Variants in HERC3 observed in about 807,000 individuals in gnomAD.
HERC3 encodes the protein probable E3 ubiquitin-protein ligase HERC3.
A neutral mutation model predicts 129.9 loss-of-function variants in HERC3; 58 were observed. The observed-to-expected ratio is 0.45, with a 90% CI of 0.36 to 0.56. The LOEUF (loss-of-function observed/expected upper bound fraction) is 0.56. HERC3 is among the 20% of genes least tolerant of loss of function. The pLI is 0.00. For synonymous variants in HERC3, 430 were observed against 451.0 expected, an observed-to-expected ratio of 0.95 and a Z score of 0.59; for missense variants, 835 against 1,244.2, an observed-to-expected ratio of 0.67 and a Z score of 4.95.
the HERC3 span, among the ~76,000 whole-genome samples, chr4:88,554,943 C>G: frequency 6.6e-6 from 1 of 152,078 alleles, no homozygotes; most frequent in African/African-American, 2.4e-5. Flanking sequence ...AGGATTACAT[C>G]TAGAAGTAAA....
intron 2 of HERC3, among the ~76,000 whole-genome samples, chr4:88,597,416 A>G (rs1448396798): frequency 6.6e-6 from 1 of 152,214 alleles, no homozygotes; most frequent in Admixed American, 6.5e-5. Context: ...CAGGAGCACC[A>G]TAGATGCTTA....
intron 21 of HERC3, among the ~76,000 whole-genome samples, chr4:88,682,370 G>C (rs1157413621): frequency 6.6e-6 from 1 of 151,526 alleles, no homozygotes; most frequent in African/African-American, 2.4e-5. Context: ...TGTGCACAAC[G>C]TGCAGGTTAG....
Position 88,681,222 on chromosome 4 carries a change from TC to T in HERC3, c.2406del (p.Thr803LeufsTer18), listed in dbSNP as rs1474081603. 6.2e-7 allele frequency: 1 copy of T among 1,613,950 alleles called. No homozygotes were observed. Among genetic ancestry groups the T allele is most frequent in the African/African-American group, 1.3e-5 (1 of 74,920 alleles). On this transcript the variant is annotated frameshift_variant, in exon 21 of 26. Coordinates refer to ENST00000402738, the MANE Select transcript of HERC3 (RefSeq NM_014606.3). LOFTEE classifies it high-confidence loss of function. ...AACCTGTGGACTAGCTATCTACAAC[TC>T]CACTGTGGTCGATCTCCACTTCCCA... ...GITCGLAIYN[S>X]TVVDLHFPLA...
chr4:88,704,866 T>TCTTTC (rs200321481), intron 25 of HERC3, among the ~76,000 whole-genome samples: 82 of 146,618 alleles, frequency 5.6e-4, no homozygotes, highest in African/African-American at 1.9e-3. Flanking sequence ...TTTCTTTCTT[T>TCTTTC]TTTTTTTTTT....
the HERC3 span, among the ~76,000 whole-genome samples, chr4:88,570,574 C>T: frequency 2.6e-5 from 4 of 152,118 alleles, no homozygotes; most frequent in Non-Finnish European, 5.9e-5. Flanking sequence ...TATCTCTTGT[C>T]TCCCAGGAAG....
chr4:88,663,229 C>G (rs1730686569), intron 11 of HERC3, among the ~76,000 whole-genome samples: 1 of 152,040 alleles, frequency 6.6e-6, no homozygotes, highest in Non-Finnish European at 1.5e-5. Context: ...TGTAGTGGGC[C>G]AAATGACCAG....
intron 23 of HERC3, chr4:88,697,929 G>T: frequency 1.2e-6 from 1 of 814,498 alleles, no homozygotes; most frequent in Non-Finnish European, 1.9e-6. Context: ...CCCACTATCA[G>T]CTGACGGCCG....
At chr4:88,686,558 C>T (rs903551708) in intron 21 of HERC3, among the ~76,000 whole-genome samples, 178 bp from the exon 22 acceptor site, 2 of 152,254 alleles carry the variant, frequency 1.3e-5, no homozygotes, top group African/African-American at 4.8e-5. Context: ...AGGTCTAGTG[C>T]CATAATTCTC....
At chr4:88,558,336 T>C in the HERC3 span, among the ~76,000 whole-genome samples, 31 of 152,206 alleles carry the variant, frequency 2.0e-4, no homozygotes, top group Non-Finnish European at 3.4e-4. Context: ...CAGAATGAAA[T>C]AATGTCTTTT....
chr4:88,551,533 A>G, the HERC3 span, among the ~76,000 whole-genome samples: 1 of 151,180 alleles, frequency 6.6e-6, no homozygotes, highest in Non-Finnish European at 1.5e-5. Context: ...ACATGAAAAA[A>G]TGCTCATCAT....
chr4:88,673,073 C>T (rs2149305397), intron 16 of HERC3, among the ~76,000 whole-genome samples: 1 of 152,300 alleles, frequency 6.6e-6, no homozygotes, highest in South Asian at 2.1e-4. Context: ...CCATTATCTG[C>T]ACTTAAAAAC....
intron 23 of HERC3, chr4:88,690,505 A>G (rs1733966049): frequency 2.0e-5 from 20 of 985,332 alleles, no homozygotes; most frequent in South Asian, 4.7e-5. Context: ...GAAGCTAACA[A>G]TGGGATAGGC....
rs145161489 is a variant in HERC3 at position 88,603,534 on chromosome 4, A to C, written c.-29-2261A>C. 1.6e-3 allele frequency among the ~76,000 whole-genome samples: 237 copies of C among 152,122 alleles called. 3 individuals are homozygous for C. The East Asian group carries it at 0.038, about 24-fold the overall frequency. ...TCGCTCTCTCTTAATTTGCTATCTTAAATAGGAGCATCTACTGTTTTATAA... is the reference window on the plus strand; with the variant it reads ...TCGCTCTCTCTTAATTTGCTATCTTCAATAGGAGCATCTACTGTTTTATAA... On this transcript the variant is annotated intron_variant, in intron 2 of 25. Transcript: ENST00000402738.
chr4:88,702,684 G>C (rs1002375106), intron 23 of HERC3, among the ~76,000 whole-genome samples: 2 of 152,144 alleles, frequency 1.3e-5, no homozygotes, highest in Non-Finnish European at 2.9e-5. Context: ...GCAAGAAAAT[G>C]CTGCAGTAAA....
At chr4:88,602,285 C>G (rs1449826825) in intron 2 of HERC3, among the ~76,000 whole-genome samples, 2 of 150,714 alleles carry the variant, frequency 1.3e-5, no homozygotes, top group East Asian at 4.0e-4. Context: ...GCCTGTAATC[C>G]CAGCTACTTG....
intron 21 of HERC3, among the ~76,000 whole-genome samples, chr4:88,684,117 T>C (rs1419212716): frequency 1.3e-5 from 2 of 152,138 alleles, no homozygotes; most frequent in Admixed American, 1.3e-4. Context: ...TAGAAAAAAC[T>C]ACCTTAAATT....
the HERC3 span, among the ~76,000 whole-genome samples, chr4:88,585,206 A>T: frequency 6.6e-6 from 1 of 152,332 alleles, no homozygotes; most frequent in South Asian, 2.1e-4. Context: ...ATCACCTACA[A>T]AAGTCCCACA....
chr4:88,703,049 G>T lies in HERC3; in HGVS notation c.2658-1049G>T, dbSNP rs1332995880. On this transcript the variant is annotated intron_variant, in intron 23 of 25. Transcript: ENST00000402738. Reference sequence around the variant, plus strand: ...ATTGCCATCTGTCTCGATAACTTCTGTAACAGTGGGCCCAAATAGGCCAGG... The same window carrying T: ...ATTGCCATCTGTCTCGATAACTTCTTTAACAGTGGGCCCAAATAGGCCAGG... 3.9e-5 allele frequency among the ~76,000 whole-genome samples: 6 copies of T among 152,200 alleles called. No homozygotes were observed. The East Asian group carries it at 1.2e-3, about 29-fold the overall frequency.
chr4:88,613,670 A>C (rs1229486379), intron 3 of HERC3, among the ~76,000 whole-genome samples: 3 of 152,216 alleles, frequency 2.0e-5, no homozygotes, highest in African/African-American at 7.2e-5. Context: ...CTGTTATTGA[A>C]GTGCGTGTTT....
Sources: gnomAD v4.1 joint callset for allele counts (sites outside exome capture counted in the v4.1 genomes callset) on GRCh38, gnomAD v4.1.1 for gene constraint, MANE v1.5 for transcripts, NCBI Gene and HGNC (gene_info 2026-07-23, HGNC 2026-07-21) for gene names.